Variants in CARNMT1 observed in about 807,000 individuals in gnomAD.
CARNMT1 encodes carnosine N-methyltransferase 1, also known as protein-L-histidine N-pros-methyltransferase CARNMT1.
CARNMT1 carries 28 observed loss-of-function variants against 49.6 expected under a neutral mutation model. The ratio of observed to expected loss-of-function variants is 0.56; its 90% confidence interval spans 0.42 to 0.77. The LOEUF is 0.77. Ranked by LOEUF, CARNMT1 falls within the 30% of genes least tolerant of loss-of-function variation. The pLI, the probability that CARNMT1 is intolerant of heterozygous loss-of-function variation, is 0.00. For missense variants in CARNMT1, 421 were observed against 512.6 expected, an observed-to-expected ratio of 0.82 and a Z score of 1.73; for synonymous variants, 178 against 175.0, an observed-to-expected ratio of 1.02 and a Z score of -0.13.
intron 7 of CARNMT1, among the ~76,000 whole-genome samples, chr9:74,984,452 G>C (rs941151124): frequency 1.3e-5 from 2 of 152,080 alleles, no homozygotes; most frequent in African/African-American, 4.8e-5. Flanking sequence ...TTATAATTCT[G>C]AAAACTAAGG....
chr9:74,998,735 T>G lies in CARNMT1; in HGVS notation c.773A>C (p.His258Pro). 6.3e-7 allele frequency: 1 copy of G among 1,590,100 alleles called. No homozygotes were observed. Among genetic ancestry groups the G allele is most frequent in the Non-Finnish European group, 8.6e-7 (1 of 1,167,766 alleles). Residue 258 changes from histidine (H) to proline (P), a missense_variant, in exon 5 of 8, where the codon CAT becomes CCT. His to Pro is a moderately conservative substitution (Grantham distance 77). Coordinates refer to ENST00000376834, the MANE Select transcript of CARNMT1 (RefSeq NM_152420.3). ...TGATCTCCGGTTATTGCTAAACTGATGGATCCAAGGATAAAGTTTATATTT... is the reference window on the plus strand; with the variant it reads ...TGATCTCCGGTTATTGCTAAACTGAGGGATCCAAGGATAAAGTTTATATTT... ...INKYKLYPWI[H>P]QFSNNRRSAD...
Position 74,981,531 on chromosome 9 carries a change from G to C in CARNMT1, c.*2236C>G, listed in dbSNP as rs1302771720. The C allele has an allele frequency of 1.3e-5, 2 of 152,004 alleles. No individual in the cohort carries two copies. The highest frequency in any genetic ancestry group is 4.8e-5 in the African/African-American group (2 of 41,416). The allele number at this position is 152,004 out of a possible 1,614,324, so 9.4% of individuals were successfully genotyped here. The stretch of plus-strand genomic sequence containing the variant: ...AATATATTAACTGCAAAAGCTGTAA[G>C]AAAAGAAGTGATGCAAATTTGTATA... On this transcript the variant is annotated 3_prime_UTR_variant, in exon 8 of 8. Transcript: ENST00000376834.
Position 74,991,922 on chromosome 9 carries a change from A to G in CARNMT1, c.1024+4525T>C, listed in dbSNP as rs145235915. Reference sequence around the variant, plus strand: ...CTTTTTATATTTTTACTACTACTATAATGAGGAAAGGGCTGTATGTGTTCA... The same window carrying G: ...CTTTTTATATTTTTACTACTACTATGATGAGGAAAGGGCTGTATGTGTTCA... On this transcript the variant is annotated intron_variant, in intron 6 of 7. Coordinates refer to ENST00000376834, the MANE Select transcript of CARNMT1 (RefSeq NM_152420.3). Among the ~76,000 whole-genome samples the G allele has an allele frequency of 6.1e-3, 927 of 152,174 alleles. 9 individuals are homozygous for G. Among genetic ancestry groups the G allele is most frequent in the African/African-American group, 0.022 (893 of 41,522 alleles).
intron 3 of CARNMT1, among the ~76,000 whole-genome samples, chr9:75,007,320 C>T (rs1296034472): frequency 6.6e-6 from 1 of 152,048 alleles, no homozygotes; most frequent in Non-Finnish European, 1.5e-5. Context: ...ACAAGAAAAT[C>T]AATTGATGAA....
At chr9:75,026,012 C>A (rs988988174) in intron 1 of CARNMT1, among the ~76,000 whole-genome samples, 34 of 152,274 alleles carry the variant, frequency 2.2e-4, no homozygotes, top group African/African-American at 8.2e-4. Flanking sequence ...ATGTAACAAT[C>A]CACTGTTCTC....
At chr9:74,985,118 A>C in intron 6 of CARNMT1, 108 bp from the exon 7 acceptor site, 1 of 825,662 alleles carries the variant, frequency 1.2e-6, no homozygotes, top group Non-Finnish European at 1.9e-6. Context: ...GACAAACATA[A>C]AAAGTCTGGG....
At chr9:74,985,378 A>G (rs1224769041) in intron 6 of CARNMT1, among the ~76,000 whole-genome samples, 1 of 152,254 alleles carries the variant, frequency 6.6e-6, no homozygotes, top group African/African-American at 2.4e-5. Flanking sequence ...CCAACTGTAT[A>G]TCATATGAAA....
At chr9:74,987,790 A>G (rs1832889070) in intron 6 of CARNMT1, among the ~76,000 whole-genome samples, 1 of 152,042 alleles carries the variant, frequency 6.6e-6, no homozygotes, top group Non-Finnish European at 1.5e-5. Flanking sequence ...TATCTCCAAA[A>G]AAATCCAACT....
At chr9:75,019,283 T>C (rs1474004630) in intron 1 of CARNMT1, among the ~76,000 whole-genome samples, 1 of 152,232 alleles carries the variant, frequency 6.6e-6, no homozygotes, top group Admixed American at 6.5e-5. Flanking sequence ...GACTCTGGTA[T>C]GGCATCTTAT....
At position 75,028,080 on chromosome 9, in the gene CARNMT1, G is replaced by A. The variant is rs1388301907; in HGVS notation, c.162C>T (p.Thr54=). 4 of 1,568,548 alleles carry A rather than the reference G, an allele frequency of 2.6e-6. No individual in the cohort carries two copies. The highest frequency in any genetic ancestry group is 1.4e-5 in the African/African-American group (1 of 71,076). The change falls in exon 1 of 8, where the codon ACC becomes ACT. Residue 54 remains threonine (T), a synonymous_variant. Coordinates refer to ENST00000376834, the MANE Select transcript of CARNMT1 (RefSeq NM_152420.3). ...SAAAAAATRS[T]EEEEERLERE... is the part of the protein sequence containing the mutation. ...GCTCAAGCCTCTCCTCCTCCTCCTC[G>A]GTGCTGCGCGTGGCCGCCGCCGCTG...
At chr9:74,988,532 T>C (rs971924763) in intron 6 of CARNMT1, among the ~76,000 whole-genome samples, 1 of 152,214 alleles carries the variant, frequency 6.6e-6, no homozygotes, top group Non-Finnish European at 1.5e-5. Context: ...GTTAGAAATA[T>C]AAGTTCACTC....
At chr9:75,011,907 C>T (rs1269851196) in intron 3 of CARNMT1, among the ~76,000 whole-genome samples, 2 of 152,170 alleles carry the variant, frequency 1.3e-5, no homozygotes, top group African/African-American at 4.8e-5. Context: ...ATATGAGTGA[C>T]AGATTCTTCC....
intron 1 of CARNMT1, among the ~76,000 whole-genome samples, chr9:75,019,908 T>C (rs956658648): frequency 1.3e-5 from 2 of 152,184 alleles, no homozygotes; most frequent in African/African-American, 2.4e-5. Flanking sequence ...TTGGCAGAAA[T>C]TGGTTACTCC....
intron 6 of CARNMT1, chr9:74,991,551 C>T (rs1451378300): frequency 1.3e-5 from 2 of 152,240 alleles, no homozygotes; most frequent in African/African-American, 2.4e-5. Flanking sequence ...TTCTGCCCTA[C>T]ATTTCGCCCC....
At chr9:75,022,873 G>A (rs377135855) in intron 1 of CARNMT1, among the ~76,000 whole-genome samples, 7 of 152,150 alleles carry the variant, frequency 4.6e-5, no homozygotes, top group Non-Finnish European at 1.5e-5. Flanking sequence ...GGTGGCTCAC[G>A]CCTGTAATCC....
chr9:75,026,764 C>T (rs777690992), intron 1 of CARNMT1, among the ~76,000 whole-genome samples: 1 of 152,182 alleles, frequency 6.6e-6, no homozygotes, highest in African/African-American at 2.4e-5. Flanking sequence ...ACTAAGCAAG[C>T]TTCTAAATTC....
At chr9:75,022,174 T>C (rs1822385438) in intron 1 of CARNMT1, among the ~76,000 whole-genome samples, 1 of 145,896 alleles carries the variant, frequency 6.9e-6, no homozygotes, top group South Asian at 2.3e-4. Context: ...AAAATTAGCA[T>C]AAACTCTCAA....
At chr9:74,995,952 A>T (rs7041655) in intron 6 of CARNMT1, 30,341 of 152,006 alleles carry the variant, frequency 0.2, 3,575 homozygotes, top group East Asian at 0.4. Flanking sequence ...GTAAAAAAAA[A>T]TTTTGCATAA....
At chr9:75,016,149 T>A (rs1034457531) in intron 3 of CARNMT1, 119 bp downstream of exon 3, 1 of 713,878 alleles carries the variant, frequency 1.4e-6, no homozygotes, top group African/African-American at 1.8e-5. Flanking sequence ...CACTTACACA[T>A]GTAAAACATA....
Sources: gnomAD v4.1 joint callset for allele counts (sites outside exome capture counted in the v4.1 genomes callset) on GRCh38, gnomAD v4.1.1 for gene constraint, MANE v1.5 for transcripts, NCBI Gene and HGNC (gene_info 2026-07-23, HGNC 2026-07-21) for gene names.